BBS9: variants seen among roughly 807,000 people sequenced by gnomAD.
BBS9 encodes Bardet-Biedl syndrome 9, also known as protein PTHB1.
Under a neutral mutation model 117.7 loss-of-function variants are expected in BBS9, and 89 were observed. The ratio of observed to expected loss-of-function variants is 0.76; its 90% CI spans 0.64 to 0.90. The LOEUF (loss-of-function observed/expected upper bound fraction) is 0.90. Among genes scored for constraint, BBS9 ranks in the 40% least tolerant of loss-of-function variants. The pLI, the probability that BBS9 is intolerant of heterozygous loss-of-function variation, is 0.00. For synonymous variants in BBS9, 379 were observed against 370.9 expected, an observed-to-expected ratio of 1.02 and a Z score of -0.25; for missense variants, 982 against 1,042.2, an observed-to-expected ratio of 0.94 and a Z score of 0.80.
intron 15 of BBS9, among the ~76,000 whole-genome samples, chr7:33,354,158 T>G (rs373774295): frequency 3.3e-5 from 5 of 152,240 alleles, no homozygotes; most frequent in African/African-American, 9.6e-5. Context: ...TTTAATAATC[T>G]CTTTGATATA....
At chr7:33,505,331 A>G in intron 19 of BBS9, 132 bp from the exon 20 acceptor site, 1 of 890,808 alleles carries the variant, frequency 1.1e-6, no homozygotes, top group Non-Finnish European at 1.9e-6. Context: ...TTATTACTTA[A>G]CATAGCTTGT....
intron 20 of BBS9, among the ~76,000 whole-genome samples, chr7:33,521,446 A>G (rs1172740729): frequency 2.0e-5 from 3 of 152,226 alleles, no homozygotes; most frequent in Non-Finnish European, 2.9e-5. Context: ...TGAAACCTCA[A>G]TTAAGTTTTT....
At position 33,336,554 on chromosome 7, in the gene BBS9, A is replaced by T. The variant is rs886062285; in HGVS notation, c.1130A>T (p.Asn377Ile). 3 of 1,613,324 alleles carry T rather than the reference A, an allele frequency of 1.9e-6. No individual in the cohort carries two copies. The highest frequency in any genetic ancestry group is 1.7e-4 in the Middle Eastern group (1 of 6,058). The change falls in exon 10 of 23, where the codon AAC becomes ATC. Residue 377 changes from asparagine to isoleucine, a missense_variant. Transcript: ENST00000242067. ...CCAAACGTTCAATCTCGAGAACTAA[A>T]CTATGATGAACTTGATGTAGAAATG... ...QAPNVQSREL[N>I]YDELDVEMKE...
At chr7:33,395,286 GC>G (rs1827762384) in intron 19 of BBS9, among the ~76,000 whole-genome samples, 1 of 152,188 alleles carries the variant, frequency 6.6e-6, no homozygotes, top group South Asian at 2.1e-4. Context: ...TAGCTTCTTT[GC>G]CTTCAAATGC....
At chr7:33,199,776 G>C (rs1785537490) in intron 5 of BBS9, among the ~76,000 whole-genome samples, 1 of 151,334 alleles carries the variant, frequency 6.6e-6, no homozygotes, top group African/African-American at 2.4e-5. Context: ...AAGTTTTTAG[G>C]CAACGAGATC....
chr7:33,173,397 C>A (rs12536902), intron 4 of BBS9, among the ~76,000 whole-genome samples: 4,352 of 151,712 alleles, frequency 0.029, 357 homozygotes, highest in Admixed American at 0.19. Context: ...TGGCTAACAC[C>A]GTGAAACCCC....
intron 7 of BBS9, among the ~76,000 whole-genome samples, chr7:33,267,728 TAATC>T (rs1175173451): frequency 2.0e-5 from 3 of 152,314 alleles, no homozygotes; most frequent in Non-Finnish European, 4.4e-5. Context: ...TTTGCATAAA[TAATC>T]AATTATATTT....
intron 5 of BBS9, among the ~76,000 whole-genome samples, chr7:33,237,976 C>G (rs1442345930): frequency 6.6e-6 from 1 of 152,162 alleles, no homozygotes; most frequent in Non-Finnish European, 1.5e-5. Context: ...CCTCTCCTCC[C>G]TCATCCTCAA....
intron 21 of BBS9, chr7:33,534,445 T>C (rs964985693): frequency 5.9e-6 from 3 of 510,540 alleles, no homozygotes; most frequent in East Asian, 3.6e-5. Context: ...TTCTAACTAA[T>C]AAAAAGTGGA....
At chr7:33,564,362 T>G (rs551409978) in intron 21 of BBS9, among the ~76,000 whole-genome samples, 7 of 152,322 alleles carry the variant, frequency 4.6e-5, no homozygotes, top group Admixed American at 4.6e-4. Flanking sequence ...AGGGGCATTA[T>G]ATATGGAGAC....
intron 19 of BBS9, among the ~76,000 whole-genome samples, chr7:33,470,685 G>A (rs1840889370): frequency 6.6e-6 from 1 of 152,106 alleles, no homozygotes; most frequent in African/African-American, 2.4e-5. Context: ...GCTCACCGTG[G>A]GTTATAATAT....
At chr7:33,438,646 A>C (rs1379389388) in intron 19 of BBS9, among the ~76,000 whole-genome samples, 1 of 152,236 alleles carries the variant, frequency 6.6e-6, no homozygotes, top group African/African-American at 2.4e-5. Context: ...TTCTGATAGG[A>C]TGAAGTGTTG....
intron 21 of BBS9, among the ~76,000 whole-genome samples, chr7:33,571,894 G>A (rs1003401663): frequency 1.3e-5 from 2 of 151,996 alleles, no homozygotes; most frequent in Non-Finnish European, 2.9e-5. Context: ...AGGGTAATTG[G>A]AACATCAGTC....
chr7:33,251,565 A>C (rs1796229163), intron 5 of BBS9, among the ~76,000 whole-genome samples: 1 of 152,220 alleles, frequency 6.6e-6, no homozygotes, highest in South Asian at 2.1e-4. Flanking sequence ...TGTGTAAACA[A>C]AAGCAAGGAA....
intron 4 of BBS9, among the ~76,000 whole-genome samples, chr7:33,177,083 AT>A (rs754296316): frequency 6.6e-6 from 1 of 151,354 alleles, no homozygotes; most frequent in African/African-American, 2.4e-5. Flanking sequence ...AGTGTTGGGG[AT>A]TTTTTTTTCT....
chr7:33,316,227 A>G (rs1810480587), intron 9 of BBS9, among the ~76,000 whole-genome samples: 1 of 152,138 alleles, frequency 6.6e-6, no homozygotes. Flanking sequence ...GTATGTTTTA[A>G]TATTTGTCTT....
At chr7:33,450,922 T>C (rs1040365127) in intron 19 of BBS9, among the ~76,000 whole-genome samples, 15 of 151,874 alleles carry the variant, frequency 9.9e-5, no homozygotes, top group Non-Finnish European at 1.3e-4. Context: ...GGAGTCTTGC[T>C]CTGTTGCCCA....
chr7:33,247,513 G>A (rs1795530991), intron 5 of BBS9, among the ~76,000 whole-genome samples: 2 of 152,122 alleles, frequency 1.3e-5, no homozygotes, highest in Non-Finnish European at 1.5e-5. Context: ...GATGCATGGT[G>A]TTCCATCTGC....
intron 5 of BBS9, among the ~76,000 whole-genome samples, chr7:33,184,494 A>T (rs1324663151): frequency 6.6e-6 from 1 of 152,134 alleles, no homozygotes; most frequent in Non-Finnish European, 1.5e-5. Context: ...CTTAAGAAGA[A>T]CTCTAACCTT....
Sources: gnomAD v4.1 joint callset for allele counts (sites outside exome capture counted in the v4.1 genomes callset) on GRCh38, gnomAD v4.1.1 for gene constraint, MANE v1.5 for transcripts, NCBI Gene and HGNC (gene_info 2026-07-23, HGNC 2026-07-21) for gene names.